The following CSMD1 variants were observed in gnomAD, a reference collection of about 807,000 sequenced individuals.
CSMD1 encodes CUB and sushi domain-containing protein 1.
CSMD1 carries 213 observed loss-of-function variants against 417.5 expected under a neutral mutation model. The observed-to-expected ratio is 0.51, with a 90% CI of 0.46 to 0.57. The LOEUF is 0.57. CSMD1 is among the 20% of genes least tolerant of loss of function. The pLI, the probability that CSMD1 is intolerant of heterozygous loss-of-function variation, is 0.00. For missense variants in CSMD1, 6,923 were observed against 4,529.7 expected (o/e 1.53, Z -15.17); for synonymous variants, 2,862 against 1,736.8 (o/e 1.65, Z -16.11).
chr8:3,065,082 C>T (rs565110360), intron 49 of CSMD1, among the ~76,000 whole-genome samples: 10 of 152,138 alleles, frequency 6.6e-5, no homozygotes, highest in African/African-American at 2.2e-4. Context: ...TGTACCTGGA[C>T]TAGAATCTTC....
intron 5 of CSMD1, among the ~76,000 whole-genome samples, chr8:3,969,791 C>G (rs550871593): frequency 6.6e-6 from 1 of 152,244 alleles, no homozygotes; most frequent in South Asian, 2.1e-4. Flanking sequence ...AAGAAGAAAT[C>G]TAACCTCCTA....
intron 2 of CSMD1, among the ~76,000 whole-genome samples, chr8:4,464,097 A>G (rs956771189): frequency 2.0e-4 from 30 of 152,192 alleles, no homozygotes; most frequent in Admixed American, 1.6e-3. Context: ...TCAGTTTTCT[A>G]AAAGAATGAG....
At chr8:4,492,056 C>A (rs942475587) in intron 2 of CSMD1, among the ~76,000 whole-genome samples, 1 of 151,170 alleles carries the variant, frequency 6.6e-6, no homozygotes, top group African/African-American at 2.4e-5. Context: ...AAAAAAGAAA[C>A]GACCTGTCAA....
At chr8:3,077,611 C>T (rs956609537) in intron 49 of CSMD1, among the ~76,000 whole-genome samples, 3 of 152,202 alleles carry the variant, frequency 2.0e-5, no homozygotes, top group Non-Finnish European at 4.4e-5. Context: ...CTATCTCTAC[C>T]TTAAGAATTT....
At chr8:3,888,439 G>C (rs1806714392) in intron 5 of CSMD1, among the ~76,000 whole-genome samples, 1 of 152,176 alleles carries the variant, frequency 6.6e-6, no homozygotes. Flanking sequence ...CAAGGTTCAT[G>C]TGCAAATGCA....
intron 3 of CSMD1, among the ~76,000 whole-genome samples, chr8:4,173,988 A>T (rs1797904015): frequency 6.6e-6 from 1 of 152,280 alleles, no homozygotes; most frequent in Non-Finnish European, 1.5e-5. Context: ...GAAGCAAAGG[A>T]TATGTGACCA....
At chr8:4,905,337 T>C (rs1028975567) in intron 1 of CSMD1, among the ~76,000 whole-genome samples, 2 of 152,060 alleles carry the variant, frequency 1.3e-5, no homozygotes, top group Non-Finnish European at 2.9e-5. Context: ...TCATAAAGGC[T>C]ACCATTTCTT....
Position 3,211,575 on chromosome 8 carries a change from C to T in CSMD1, c.4867+2922G>A, listed in dbSNP as rs955033343. Among the ~76,000 whole-genome samples the T allele has an allele frequency of 4.6e-5, 7 of 152,148 alleles. No homozygotes were observed. In the East Asian group the frequency reaches 9.7e-4, roughly 21 times the overall value. ...ATTAAGATTTACTAGTTTTGGGGAG[C>T]CTTATGCCTGTGGAATTTATCCTCC... On this transcript the variant is annotated intron_variant, in intron 30 of 69. Transcript: ENST00000635120.
chr8:4,804,922 C>T (rs75172897), intron 1 of CSMD1, among the ~76,000 whole-genome samples: 1 of 152,164 alleles, frequency 6.6e-6, no homozygotes. Context: ...AAAGAAAACA[C>T]TTAAAGCGGT....
At chr8:4,257,065 T>A (rs1224784459) in intron 3 of CSMD1, among the ~76,000 whole-genome samples, 1 of 152,168 alleles carries the variant, frequency 6.6e-6, no homozygotes, top group Non-Finnish European at 1.5e-5. Flanking sequence ...ATTTTAAAAT[T>A]GACAGTCTCT....
At chr8:3,735,206 C>T (rs1203689019) in intron 6 of CSMD1, among the ~76,000 whole-genome samples, 2 of 152,156 alleles carry the variant, frequency 1.3e-5, no homozygotes. Context: ...GCAAGTTGCC[C>T]CTGGCTCCTT....
At chr8:4,855,072 C>T (rs556915075) in intron 1 of CSMD1, among the ~76,000 whole-genome samples, 13 of 152,146 alleles carry the variant, frequency 8.5e-5, no homozygotes, top group Admixed American at 2.0e-4. Flanking sequence ...GATCTGAGAA[C>T]GGGCAGACTG....
intron 3 of CSMD1, among the ~76,000 whole-genome samples, chr8:4,038,990 G>A (rs1378740910): frequency 6.6e-6 from 1 of 152,270 alleles, no homozygotes; most frequent in African/African-American, 2.4e-5. Context: ...TAACCCAGCT[G>A]TTTCAATGGT....
intron 10 of CSMD1, among the ~76,000 whole-genome samples, chr8:3,522,201 A>T (rs933360550): frequency 4.6e-5 from 7 of 152,182 alleles, no homozygotes; most frequent in Admixed American, 3.9e-4. Flanking sequence ...ATATGATTAA[A>T]TTTTTTATTA....
chr8:4,798,462 T>C (rs1194376028), intron 1 of CSMD1, among the ~76,000 whole-genome samples: 11 of 152,152 alleles, frequency 7.2e-5, no homozygotes, highest in Non-Finnish European at 1.6e-4. Context: ...TTTTGCAATA[T>C]ATAAAATGTC....
intron 10 of CSMD1, among the ~76,000 whole-genome samples, chr8:3,498,692 C>A (rs964002271): frequency 6.6e-6 from 1 of 152,168 alleles, no homozygotes; most frequent in Non-Finnish European, 1.5e-5. Flanking sequence ...CTTATTCTTA[C>A]TTATTCTTTT....
chr8:4,846,756 G>A (rs1382530262), intron 1 of CSMD1, among the ~76,000 whole-genome samples: 1 of 151,952 alleles, frequency 6.6e-6, no homozygotes, highest in Non-Finnish European at 1.5e-5. Flanking sequence ...CCAGGTCAAG[G>A]GTATCTTATC....
At chr8:3,198,348 G>T (rs1023094802) in intron 33 of CSMD1, among the ~76,000 whole-genome samples, 5 of 152,128 alleles carry the variant, frequency 3.3e-5, no homozygotes, top group African/African-American at 1.2e-4. Context: ...ACATACTTTG[G>T]TCTAAACGTG....
At chr8:4,104,930 G>A (rs1411120333) in intron 3 of CSMD1, among the ~76,000 whole-genome samples, 1 of 152,052 alleles carries the variant, frequency 6.6e-6, no homozygotes, top group South Asian at 2.1e-4. Context: ...TTACACAACA[G>A]TAGTTTAAAC....
Sources: gnomAD v4.1 joint callset for allele counts (sites outside exome capture counted in the v4.1 genomes callset) on GRCh38, gnomAD v4.1.1 for gene constraint, MANE v1.5 for transcripts, NCBI Gene and HGNC (gene_info 2026-07-23, HGNC 2026-07-21) for gene names.